The following PCDHA3 variants were observed in gnomAD, a reference collection of about 807,000 sequenced individuals.
PCDHA3 encodes protocadherin alpha 3.
In PCDHA3, 41 loss-of-function variants were observed where a neutral mutation model predicts 62.2. That is an observed-to-expected ratio of 0.66 (90% CI 0.51 to 0.86). PCDHA3 has a LOEUF of 0.86. Among genes scored for constraint, PCDHA3 ranks in the 40% least tolerant of loss-of-function variants. The pLI is 0.00. For missense variants in PCDHA3, 1,304 were observed against 1,241.2 expected (o/e 1.05, Z -0.76); for synonymous variants, 640 against 555.4 (o/e 1.15, Z -2.14).
At chr5:140,911,985 A>C (rs1554195072) in intron 1 of PCDHA3, among the ~76,000 whole-genome samples, 2 of 152,204 alleles carry the variant, frequency 1.3e-5, no homozygotes, top group African/African-American at 4.8e-5. Flanking sequence ...CATGATCACA[A>C]GGTCCCACAA....
intron 3 of PCDHA3, among the ~76,000 whole-genome samples, chr5:141,006,649 G>A (rs1377970510): frequency 2.6e-5 from 4 of 152,176 alleles, no homozygotes; most frequent in Admixed American, 2.0e-4. Context: ...AGAGATGATG[G>A]TGTCCTGAAA....
chr5:140,819,846 C>A (rs1169501411), intron 1 of PCDHA3, among the ~76,000 whole-genome samples: 1 of 151,938 alleles, frequency 6.6e-6, no homozygotes, highest in Non-Finnish European at 1.5e-5. Flanking sequence ...ACTTTTTCTC[C>A]ATTGAGTATA....
In PCDHA3 at chr5:140,830,600, A is replaced by G. The variant is rs1227931663; in HGVS notation, c.2394+27009A>G. ...TTTTTAATTAATTTTACAAAATTAC[A>G]TATTTTCATTTTATTGTGTTTCTTA... is the stretch of plus-strand genomic sequence containing the variant. On this transcript the variant is annotated intron_variant, in intron 1 of 3. Coordinates refer to ENST00000522353, the MANE Select transcript of PCDHA3 (RefSeq NM_018906.3). 1.8e-5 allele frequency: 12 copies of G among 670,896 alleles called. 1 individual carries two copies. Among genetic ancestry groups the G allele is most frequent in the East Asian group, 1.4e-4 (4 of 29,586 alleles). The allele number at this position is 670,896 out of a possible 1,614,324, so 41.6% of individuals were successfully genotyped here. A position where few individuals can be genotyped will look rare whatever the true frequency, so the allele number is the denominator to read the frequency against.
chr5:140,983,334 T>A (rs1314550664), intron 3 of PCDHA3, among the ~76,000 whole-genome samples: 1 of 152,234 alleles, frequency 6.6e-6, no homozygotes, highest in African/African-American at 2.4e-5. Context: ...GCCCTATCAC[T>A]AAAGCAGGGT....
At chr5:140,889,904 TTGTCATAC>T (rs1320793501) in intron 1 of PCDHA3, among the ~76,000 whole-genome samples, 4 of 152,172 alleles carry the variant, frequency 2.6e-5, no homozygotes, top group Non-Finnish European at 5.9e-5. Context: ...TACCTTGAGA[TTGTCATAC>T]TGTAAAGAAG....
chr5:140,842,998 T>G (rs2150349585), intron 1 of PCDHA3: 5 of 1,594,952 alleles, frequency 3.1e-6, no homozygotes, highest in Non-Finnish European at 4.3e-6. Flanking sequence ...TGGACGAGAA[T>G]GACAACGCGC....
intron 2 of PCDHA3, 158 bp downstream of exon 2, chr5:140,979,165 A>G (rs1586797430): frequency 1.0e-6 from 1 of 970,900 alleles, no homozygotes; most frequent in South Asian, 4.8e-5. Flanking sequence ...TTATTCCTTG[A>G]AAGATCGCAA....
At chr5:140,929,721 ATTTAC>A in intron 1 of PCDHA3, 2 of 222,496 alleles carry the variant, frequency 9.0e-6, no homozygotes, top group Non-Finnish European at 9.4e-6. Context: ...AAGGTGAAAC[ATTTAC>A]TTAAACTATT....
intron 1 of PCDHA3, chr5:140,876,569 G>C (rs1554168675): frequency 6.2e-7 from 1 of 1,614,186 alleles, no homozygotes; most frequent in Admixed American, 1.7e-5. Flanking sequence ...GCTCAGGTGG[G>C]TACCGTCATT....
intron 1 of PCDHA3, chr5:140,863,374 A>C: frequency 5.3e-5 from 60 of 1,135,154 alleles, no homozygotes; most frequent in Non-Finnish European, 7.5e-5. Flanking sequence ...GGCGCAGCTC[A>C]CCGAGAGCTC....
At chr5:140,836,023 G>A in intron 1 of PCDHA3, 7 of 1,613,414 alleles carry the variant, frequency 4.3e-6, no homozygotes, top group Non-Finnish European at 5.9e-6. Flanking sequence ...CCTCTGGGCA[G>A]CAACGTGACG....
At chr5:140,963,523 A>T (rs2095769740) in intron 1 of PCDHA3, among the ~76,000 whole-genome samples, 1 of 152,218 alleles carries the variant, frequency 6.6e-6, no homozygotes. Flanking sequence ...CTCATAACAG[A>T]AGTCCCATTT....
chr5:140,805,039 C>T, intron 1 of PCDHA3: 3 of 1,586,366 alleles, frequency 1.9e-6, no homozygotes, highest in Non-Finnish European at 2.6e-6. Flanking sequence ...ATAGAGTCAG[C>T]CAAAGTACTT....
intron 1 of PCDHA3, among the ~76,000 whole-genome samples, chr5:140,894,231 G>A (rs1265861426): frequency 1.3e-5 from 2 of 151,980 alleles, no homozygotes; most frequent in South Asian, 2.1e-4. Flanking sequence ...GATGTTGAAT[G>A]ACAATGTAAT....
chr5:140,873,262 G>A (rs1196053156), intron 1 of PCDHA3, among the ~76,000 whole-genome samples: 2 of 152,136 alleles, frequency 1.3e-5, no homozygotes, highest in Non-Finnish European at 2.9e-5. Context: ...ACTCAAAAGT[G>A]ATTAAACCAT....
At position 140,979,408 on chromosome 5, in the gene PCDHA3, G is replaced by GT. The variant is rs558051720; in HGVS notation, c.2453+411dup. Among the ~76,000 whole-genome samples the GT allele has an allele frequency of 3.0e-3, 447 of 147,714 alleles. 2 individuals carry two copies. Among genetic ancestry groups the GT allele is most frequent in the East Asian group, 0.02 (102 of 5,050 alleles). On this transcript the variant is annotated intron_variant, in intron 2 of 3. Coordinates refer to ENST00000522353, the MANE Select transcript of PCDHA3 (RefSeq NM_018906.3). ...TGTATACATACATGTTGTCTACCTT[G>GT]TTTTTTTTTTAATCTCACATTGGCT...
intron 1 of PCDHA3, among the ~76,000 whole-genome samples, chr5:140,911,635 G>A (rs906127782): frequency 2.0e-5 from 3 of 152,148 alleles, no homozygotes; most frequent in African/African-American, 7.2e-5. Flanking sequence ...ATGGTCAAAG[G>A]TATTACATAT....
intron 1 of PCDHA3, among the ~76,000 whole-genome samples, chr5:140,839,198 C>A (rs1030704020): frequency 1.9e-5 from 2 of 106,890 alleles, no homozygotes; most frequent in African/African-American, 9.0e-5. Context: ...CTATAAATAT[C>A]TTTGACCTTC....
At chr5:140,958,344 T>A (rs1247122967) in intron 1 of PCDHA3, among the ~76,000 whole-genome samples, 2 of 152,128 alleles carry the variant, frequency 1.3e-5, no homozygotes, top group African/African-American at 4.8e-5. Context: ...CACAGGAAGT[T>A]CACAGTCTGA....
Sources: gnomAD v4.1 joint callset for allele counts (sites outside exome capture counted in the v4.1 genomes callset) on GRCh38, gnomAD v4.1.1 for gene constraint, MANE v1.5 for transcripts, NCBI Gene and HGNC (gene_info 2026-07-23, HGNC 2026-07-21) for gene names.